Variants in DCC observed in about 807,000 individuals in gnomAD.
DCC encodes DCC netrin 1 receptor.
In DCC, 58 loss-of-function variants were observed where a neutral mutation model predicts 172.5. That is an observed-to-expected ratio of 0.34 (90% CI 0.27 to 0.42). The LOEUF is 0.42. Ranked by LOEUF, DCC falls within the 10% of genes least tolerant of loss-of-function variation. The pLI, the probability that DCC is intolerant of heterozygous loss-of-function variation, is 1.00. For missense variants in DCC, 1,740 were observed against 1,791.0 expected (o/e 0.97, Z 0.51); for synonymous variants, 709 against 644.5 (o/e 1.10, Z -1.52).
chr18:53,068,684 T>C (rs1259333179), intron 7 of DCC, among the ~76,000 whole-genome samples: 1 of 151,836 alleles, frequency 6.6e-6, no homozygotes, highest in Non-Finnish European at 1.5e-5. Context: ...TTCTTTGAAG[T>C]GCTAGAATTC....
chr18:52,908,852 A>G (rs1469397221), intron 3 of DCC, among the ~76,000 whole-genome samples: 1 of 152,214 alleles, frequency 6.6e-6, no homozygotes, highest in Non-Finnish European at 1.5e-5. Context: ...AATTATATGA[A>G]TTCAAATATA....
At chr18:52,656,783 A>T (rs2035262594) in intron 1 of DCC, among the ~76,000 whole-genome samples, 1 of 152,188 alleles carries the variant, frequency 6.6e-6, no homozygotes, top group South Asian at 2.1e-4. Context: ...GTTTTCAATT[A>T]TAAGCACTAC....
chr18:53,302,304 A>G (rs2057151392), intron 12 of DCC, among the ~76,000 whole-genome samples: 1 of 152,178 alleles, frequency 6.6e-6, no homozygotes, highest in Non-Finnish European at 1.5e-5. Flanking sequence ...AGTAACAAAC[A>G]TGACATCAAT....
In DCC at chr18:52,769,639, A is replaced by G. The variant is rs151121332; in HGVS notation, c.412+17265A>G. On this transcript the variant is annotated intron_variant, in intron 2 of 28. Coordinates refer to ENST00000442544, the MANE Select transcript of DCC (RefSeq NM_005215.4). Reference sequence around the variant, plus strand: ...TGCCTTTACATATTGTTGTATCTCAAAAGTTGTCTAAAAGCCATCTCTATA... The same window carrying G: ...TGCCTTTACATATTGTTGTATCTCAGAAGTTGTCTAAAAGCCATCTCTATA... Among the ~76,000 whole-genome samples, 316 of 152,262 alleles carry G rather than the reference A, an allele frequency of 2.1e-3. No individual in the cohort carries two copies. The East Asian group carries it at 0.021, about 10-fold the overall frequency.
chr18:52,535,498 G>A (rs1469640146), intron 1 of DCC, among the ~76,000 whole-genome samples: 1 of 152,066 alleles, frequency 6.6e-6, no homozygotes, highest in Non-Finnish European at 1.5e-5. Context: ...TGTTAATCAA[G>A]TGTATGCATT....
intron 23 of DCC, among the ~76,000 whole-genome samples, chr18:53,456,284 A>C (rs913478064): frequency 6.6e-6 from 1 of 152,210 alleles, no homozygotes; most frequent in African/African-American, 2.4e-5. Flanking sequence ...CAAAAAATAG[A>C]GCACCAGCAC....
intron 18 of DCC, among the ~76,000 whole-genome samples, chr18:53,398,500 G>C (rs1304426323): frequency 1.3e-5 from 2 of 152,026 alleles, no homozygotes; most frequent in Non-Finnish European, 2.9e-5. Context: ...AGACCAGCCG[G>C]ATGAGATACA....
At chr18:52,808,585 C>T (rs991169413) in intron 2 of DCC, among the ~76,000 whole-genome samples, 1 of 152,092 alleles carries the variant, frequency 6.6e-6, no homozygotes, top group Non-Finnish European at 1.5e-5. Context: ...AATGGAAACT[C>T]CCTATTTTGG....
At chr18:53,293,623 C>A (rs2057031613) in intron 12 of DCC, among the ~76,000 whole-genome samples, 1 of 152,138 alleles carries the variant, frequency 6.6e-6, no homozygotes, top group Admixed American at 6.6e-5. Context: ...TCCCTCCTCG[C>A]ACCCTATACC....
intron 7 of DCC, among the ~76,000 whole-genome samples, chr18:53,082,078 T>C (rs1294214794): frequency 6.6e-6 from 1 of 152,130 alleles, no homozygotes. Context: ...TTGGTCCCCA[T>C]GCAGCAGTAA....
At chr18:52,966,598 G>T (rs770276653) in intron 5 of DCC, among the ~76,000 whole-genome samples, 1 of 152,070 alleles carries the variant, frequency 6.6e-6, no homozygotes, top group Non-Finnish European at 1.5e-5. Context: ...GAAAAGCAAG[G>T]GTTCAAAAGC....
intron 2 of DCC, among the ~76,000 whole-genome samples, chr18:52,778,430 AT>A (rs1452829699): frequency 6.6e-6 from 1 of 152,070 alleles, no homozygotes; most frequent in African/African-American, 2.4e-5. Flanking sequence ...AACCGTTAAC[AT>A]TTTTTTCCAG....
chr18:52,888,764 A>G (rs1344663680), intron 2 of DCC, among the ~76,000 whole-genome samples: 3 of 152,084 alleles, frequency 2.0e-5, no homozygotes, highest in African/African-American at 7.2e-5. Flanking sequence ...AGTTTACCAT[A>G]TATTTTAGCA....
chr18:52,486,655 C>T (rs2030240184), intron 1 of DCC, among the ~76,000 whole-genome samples: 1 of 152,118 alleles, frequency 6.6e-6, no homozygotes, highest in Non-Finnish European at 1.5e-5. Flanking sequence ...CTTTCATCGC[C>T]ATGTTTTACT....
At chr18:53,151,576 T>C (rs2043995971) in intron 7 of DCC, among the ~76,000 whole-genome samples, 1 of 152,184 alleles carries the variant, frequency 6.6e-6, no homozygotes. Context: ...CATTTCACAA[T>C]GTATATATGC....
intron 2 of DCC, among the ~76,000 whole-genome samples, chr18:52,852,683 GTTA>G (rs1325628120): frequency 6.6e-6 from 1 of 151,600 alleles, no homozygotes; most frequent in African/African-American, 2.4e-5. Context: ...GAGACATCAG[GTTA>G]TTATTTTTAT....
intron 5 of DCC, among the ~76,000 whole-genome samples, chr18:53,029,319 T>G (rs1356906715): frequency 6.6e-6 from 1 of 152,186 alleles, no homozygotes; most frequent in African/African-American, 2.4e-5. Flanking sequence ...ATTGCTTCAT[T>G]AGAACAGTGT....
intron 1 of DCC, among the ~76,000 whole-genome samples, chr18:52,626,657 C>A (rs530525736): frequency 6.6e-6 from 1 of 152,200 alleles, no homozygotes; most frequent in East Asian, 1.9e-4. Flanking sequence ...GTTAGCCCTC[C>A]GTATCATGGG....
intron 2 of DCC, among the ~76,000 whole-genome samples, chr18:52,863,748 G>A (rs2039179493): frequency 6.6e-6 from 1 of 151,788 alleles, no homozygotes; most frequent in African/African-American, 2.4e-5. Flanking sequence ...TAACAACTAT[G>A]TTTGGTAAAT....
Sources: gnomAD v4.1 joint callset for allele counts (sites outside exome capture counted in the v4.1 genomes callset) on GRCh38, gnomAD v4.1.1 for gene constraint, MANE v1.5 for transcripts, NCBI Gene and HGNC (gene_info 2026-07-23, HGNC 2026-07-21) for gene names.